The following CFAP299 variants were observed in gnomAD, a reference collection of about 807,000 sequenced individuals.
CFAP299 encodes the protein cilia- and flagella-associated protein 299.
CFAP299 carries 21 observed loss-of-function variants against 27.0 expected under a neutral mutation model. The ratio of observed to expected loss-of-function variants is 0.78; its 90% CI spans 0.55 to 1.12. CFAP299 has a LOEUF of 1.12. CFAP299 is among the 50% of genes most tolerant of loss of function. The pLI is 0.00. For missense variants in CFAP299, 310 were observed against 276.6 expected (o/e 1.12, Z -0.86); for synonymous variants, 104 against 98.1 (o/e 1.06, Z -0.36).
intron 3 of CFAP299, among the ~76,000 whole-genome samples, chr4:80,704,115 C>A (rs1470629966): frequency 6.6e-6 from 1 of 151,404 alleles, no homozygotes; most frequent in African/African-American, 2.4e-5. Flanking sequence ...ATAGAAAAAA[C>A]CTGGAGGAGG....
At chr4:80,699,857 ATCATTCAGC>A (rs1721359259) in intron 3 of CFAP299, among the ~76,000 whole-genome samples, 1 of 152,200 alleles carries the variant, frequency 6.6e-6, no homozygotes, top group Non-Finnish European at 1.5e-5. Context: ...CAATGGCTGT[ATCATTCAGC>A]TTAAGTTTCT....
chr4:80,336,901 A>G (rs1056123035), intron 1 of CFAP299, among the ~76,000 whole-genome samples: 14 of 152,226 alleles, frequency 9.2e-5, no homozygotes, highest in African/African-American at 3.4e-4. Flanking sequence ...AACTGCAACA[A>G]GGTAACTGCA....
intron 2 of CFAP299, among the ~76,000 whole-genome samples, chr4:80,476,940 T>C (rs1251690423): frequency 7.3e-6 from 1 of 137,674 alleles, no homozygotes; most frequent in Non-Finnish European, 1.5e-5. Flanking sequence ...TTTGTGTGTG[T>C]GTGCGTGTGT....
At chr4:80,625,651 AC>A (rs1207615448) in intron 3 of CFAP299, among the ~76,000 whole-genome samples, 1 of 152,054 alleles carries the variant, frequency 6.6e-6, no homozygotes, top group African/African-American at 2.4e-5. Context: ...GACTGACTTC[AC>A]TTGTAAGGAC....
chr4:80,529,412 CA>C (rs1202451193), intron 2 of CFAP299, among the ~76,000 whole-genome samples: 1 of 152,148 alleles, frequency 6.6e-6, no homozygotes, highest in African/African-American at 2.4e-5. Context: ...CATTGACTAG[CA>C]TAGTATGGAT....
intron 3 of CFAP299, among the ~76,000 whole-genome samples, chr4:80,777,704 AT>A (rs1414843135): frequency 1.3e-5 from 2 of 152,172 alleles, no homozygotes; most frequent in Non-Finnish European, 2.9e-5. Context: ...CAAAGAAGAC[AT>A]TTATAAGACA....
intron 3 of CFAP299, among the ~76,000 whole-genome samples, chr4:80,786,958 A>G (rs1397583300): frequency 2.0e-5 from 3 of 152,060 alleles, no homozygotes; most frequent in Non-Finnish European, 2.9e-5. Context: ...GTGCAAACAA[A>G]TATATCCTTC....
chr4:80,680,153 A>T (rs1420596283), intron 3 of CFAP299, among the ~76,000 whole-genome samples: 1 of 152,114 alleles, frequency 6.6e-6, no homozygotes, highest in Non-Finnish European at 1.5e-5. Flanking sequence ...ATTTAAAAAA[A>T]TTGCCGATCT....
chr4:80,343,609 G>A (rs375289054), intron 1 of CFAP299, among the ~76,000 whole-genome samples: 6 of 151,912 alleles, frequency 3.9e-5, no homozygotes, highest in East Asian at 3.9e-4. Flanking sequence ...CTAACAAGGT[G>A]AAACCCCGTC....
chr4:80,429,143 C>T (rs974561273), intron 2 of CFAP299, among the ~76,000 whole-genome samples: 7 of 152,108 alleles, frequency 4.6e-5, no homozygotes, highest in Non-Finnish European at 8.8e-5. Flanking sequence ...TACATCCCAC[C>T]CAGTATTCAA....
chr4:80,759,022 A>G (rs1725408132), intron 3 of CFAP299, among the ~76,000 whole-genome samples: 1 of 152,226 alleles, frequency 6.6e-6, no homozygotes, highest in Non-Finnish European at 1.5e-5. Context: ...TTCAAAAAAT[A>G]TACACATATT....
Position 80,916,237 on chromosome 4 carries a change from G to T in CFAP299, c.477-28573G>T, listed in dbSNP as rs557688518. Among the ~76,000 whole-genome samples the T allele has an allele frequency of 3.5e-3, 408 of 116,456 alleles. 4 individuals are homozygous for T. The highest frequency in any genetic ancestry group is 0.012 in the African/African-American group (384 of 31,978). The allele number at this position is 116,456 out of a possible 152,430, so 76.4% of individuals were successfully genotyped here. ...AGATTGTACCATTGCACTCTGGTCTGGGCAACTAGACTGAAATATATATAT... is the reference window on the plus strand; with the variant it reads ...AGATTGTACCATTGCACTCTGGTCTTGGCAACTAGACTGAAATATATATAT... On this transcript the variant is annotated intron_variant, in intron 4 of 5. Coordinates refer to ENST00000358105, the MANE Select transcript of CFAP299 (RefSeq NM_152770.3).
chr4:80,393,259 C>G (rs1725591585), intron 2 of CFAP299, among the ~76,000 whole-genome samples: 1 of 151,638 alleles, frequency 6.6e-6, no homozygotes, highest in South Asian at 2.1e-4. Context: ...AAATGTATTA[C>G]AAAAGAGACA....
At chr4:80,493,783 T>TC in intron 2 of CFAP299, among the ~76,000 whole-genome samples, 1 of 128,368 alleles carries the variant, frequency 7.8e-6, no homozygotes, top group East Asian at 2.3e-4. Flanking sequence ...TTTTTTTTTT[T>TC]TTTGAGACGG....
chr4:80,340,942 A>G (rs929106928), intron 1 of CFAP299, among the ~76,000 whole-genome samples: 1 of 152,096 alleles, frequency 6.6e-6, no homozygotes, highest in East Asian at 1.9e-4. Context: ...CACCCAGCTA[A>G]TTTTTGTATT....
intron 3 of CFAP299, among the ~76,000 whole-genome samples, chr4:80,840,240 A>G (rs1003067396): frequency 6.6e-6 from 1 of 152,126 alleles, no homozygotes; most frequent in Non-Finnish European, 1.5e-5. Context: ...TTGTGTTCTA[A>G]TCTTCAATAA....
intron 3 of CFAP299, among the ~76,000 whole-genome samples, chr4:80,731,321 G>A (rs951841781): frequency 6.6e-6 from 1 of 152,216 alleles, no homozygotes; most frequent in South Asian, 2.1e-4. Context: ...AACAGGCACA[G>A]TAAAATCACC....
At chr4:80,442,982 A>G (rs1728435452) in intron 2 of CFAP299, among the ~76,000 whole-genome samples, 1 of 152,186 alleles carries the variant, frequency 6.6e-6, no homozygotes, top group Admixed American at 6.5e-5. Context: ...CCAAGACTAA[A>G]CCAGGAGAAG....
At chr4:80,368,182 G>T (rs1410097256) in intron 2 of CFAP299, among the ~76,000 whole-genome samples, 2 of 152,182 alleles carry the variant, frequency 1.3e-5, no homozygotes, top group Non-Finnish European at 2.9e-5. Flanking sequence ...GTTAGCTATT[G>T]CCATCTTCTT....
Sources: gnomAD v4.1 joint callset for allele counts (sites outside exome capture counted in the v4.1 genomes callset) on GRCh38, gnomAD v4.1.1 for gene constraint, MANE v1.5 for transcripts, NCBI Gene and HGNC (gene_info 2026-07-23, HGNC 2026-07-21) for gene names.